The following STS variants were observed in gnomAD, a reference collection of about 807,000 sequenced individuals.
The protein encoded by STS is steroid sulfatase, also known as steryl-sulfatase.
STS carries 7 observed loss-of-function variants against 26.8 expected under a neutral mutation model. That is an observed-to-expected ratio of 0.26 (90% CI 0.15 to 0.49). The LOEUF is 0.49. STS is among the 20% of genes least tolerant of loss of function. STS has a pLI of 0.98. For missense variants in STS, 434 were observed against 465.6 expected, an observed-to-expected ratio of 0.93 and a Z score of 0.63; for synonymous variants, 199 against 189.4, an observed-to-expected ratio of 1.05 and a Z score of -0.42.
chrX:7,214,983 T>TACGTATTTATAC (rs1177255471), intron 2 of STS, among the ~76,000 whole-genome samples: 1 of 82,309 alleles, frequency 1.2e-5, no homozygotes. Context: ...TATATATACA[T>TACGTATTTATAC]ATATATACGT....
At chrX:7,170,219 C>T (rs1458374919) in intron 1 of STS, among the ~76,000 whole-genome samples, 9 of 109,532 alleles carry the variant, frequency 8.2e-5, no homozygotes, top group Non-Finnish European at 1.1e-4. Context: ...CCTAGAAAAA[C>T]GTGACTTCTT....
At chrX:7,343,726 TTC>T (rs1307579044) in intron 10 of STS, among the ~76,000 whole-genome samples, 1 of 111,401 alleles carries the variant, frequency 9.0e-6, no homozygotes, top group African/African-American at 3.3e-5. Flanking sequence ...AGCTAGTGCG[TTC>T]TCTCTCTCTC....
chrX:7,252,535 C>G (rs1280127709), intron 2 of STS, among the ~76,000 whole-genome samples: 4 of 111,409 alleles, frequency 3.6e-5, no homozygotes, highest in Non-Finnish European at 5.7e-5. Context: ...GAGAGGCAAA[C>G]AGCAAAATGA....
intron 7 of STS, among the ~76,000 whole-genome samples, chrX:7,279,292 A>AATATAT (rs1187465371): frequency 1.1e-4 from 7 of 62,772 alleles, no homozygotes; most frequent in African/African-American, 4.4e-4. Context: ...AAAAAAAAAA[A>AATATAT]ATATATATAT....
At chrX:7,259,804 G>A in intron 6 of STS, 32 bp downstream of exon 6, 3 of 1,195,960 alleles carry the variant, frequency 2.5e-6, no homozygotes, top group Non-Finnish European at 2.3e-6. Flanking sequence ...GATGCTGCCT[G>A]TTAAAAAACA....
intron 10 of STS, among the ~76,000 whole-genome samples, chrX:7,348,922 T>C (rs1928643606): frequency 2.7e-5 from 3 of 111,683 alleles, no homozygotes; most frequent in African/African-American, 9.8e-5. Flanking sequence ...CTCCTCACCA[T>C]CACTTCTAGC....
At chrX:7,241,083 T>TAACC (rs1922595583) in intron 2 of STS, among the ~76,000 whole-genome samples, 2 of 111,261 alleles carry the variant, frequency 1.8e-5, no homozygotes, top group Non-Finnish European at 3.8e-5. Context: ...ATGGAAAAAA[T>TAACC]AACCAACCAA....
At chrX:7,347,692 G>A (rs1199006484) in intron 10 of STS, among the ~76,000 whole-genome samples, 2 of 111,792 alleles carry the variant, frequency 1.8e-5, no homozygotes, top group East Asian at 2.8e-4. Flanking sequence ...TGACTCGAAT[G>A]TCAAGTTCAA....
intron 2 of STS, among the ~76,000 whole-genome samples, chrX:7,208,051 C>T (rs887779348): frequency 7.1e-5 from 8 of 112,268 alleles, no homozygotes; most frequent in African/African-American, 2.6e-4. Context: ...CTGAAATGCT[C>T]ATTTATCTAT....
At chrX:7,347,979 C>T (rs1286353372) in intron 10 of STS, among the ~76,000 whole-genome samples, 1 of 111,874 alleles carries the variant, frequency 8.9e-6, no homozygotes, top group African/African-American at 3.3e-5. Context: ...TCCTGGAATT[C>T]TTCCTGCAGC....
intron 1 of STS, among the ~76,000 whole-genome samples, chrX:7,151,473 T>C (rs1933010384): frequency 9.0e-6 from 1 of 111,714 alleles, no homozygotes; most frequent in Admixed American, 9.5e-5. Flanking sequence ...TTCCCCTAGA[T>C]AGCTGGCTTT....
Position 7,264,403 on chromosome X carries a change from G to T in STS, c.806+4631G>T, listed in dbSNP as rs768371783. On this transcript the variant is annotated intron_variant, in intron 6 of 10. Transcript: ENST00000674429. ...TTAGTGCCCGTGGTCAGCCCACACAGCCAGATGCAGGCATTGCAGGGCTGA... is the reference window on the plus strand; with the variant it reads ...TTAGTGCCCGTGGTCAGCCCACACATCCAGATGCAGGCATTGCAGGGCTGA... Among the ~76,000 whole-genome samples, 668 of 112,703 alleles carry T rather than the reference G, an allele frequency of 5.9e-3. 1 individual carries two copies. Among genetic ancestry groups the T allele is most frequent in the Non-Finnish European group, 8.8e-3 (470 of 53,329 alleles).
At chrX:7,316,130 G>A (rs1288568665) in intron 8 of STS, among the ~76,000 whole-genome samples, 1 of 111,718 alleles carries the variant, frequency 9.0e-6, no homozygotes, top group Non-Finnish European at 1.9e-5. Context: ...GGTTAGCTTC[G>A]CATTCCAGAG....
At chrX:7,251,100 G>A (rs369511387) in intron 2 of STS, among the ~76,000 whole-genome samples, 1 of 112,105 alleles carries the variant, frequency 8.9e-6, no homozygotes, top group African/African-American at 3.2e-5. Context: ...TGCTACAAGG[G>A]TGACATTCTT....
Position 7,257,320 on chromosome X carries a change from A to C in STS, c.216A>C (p.Pro72=). 8.3e-7 allele frequency: 1 copy of C among 1,212,079 alleles called. No homozygotes were observed. The highest frequency in any genetic ancestry group is 1.1e-6 in the Non-Finnish European group (1 of 895,490). The change falls in exon 4 of 11, where the codon CCA becomes CCC. Residue 72 remains proline, a synonymous_variant. Coordinates refer to ENST00000674429, the MANE Select transcript of STS (RefSeq NM_001320752.2). ...TGGCAGCATCACCGCTGTGCACACC[A>C]AGCAGGGCAGCCTTCATGACTGGCC... The part of the protein sequence containing the change: ...QHLAASPLCT[P]SRAAFMTGRY...
chrX:7,325,146 G>C (rs1268829346), intron 8 of STS, among the ~76,000 whole-genome samples, 193 bp from the exon 9 acceptor site: 2 of 111,691 alleles, frequency 1.8e-5, no homozygotes, highest in South Asian at 3.7e-4. Context: ...GTCACATATG[G>C]TGGTGACTGT....
chrX:7,281,777 G>A (rs1303614081), intron 7 of STS, among the ~76,000 whole-genome samples: 2 of 112,399 alleles, frequency 1.8e-5, no homozygotes, highest in Non-Finnish European at 1.9e-5. Flanking sequence ...AGACATGGTT[G>A]TAATGGATTA....
At chrX:7,158,937 A>T (rs1933187598) in intron 1 of STS, among the ~76,000 whole-genome samples, 2 of 111,609 alleles carry the variant, frequency 1.8e-5, no homozygotes, top group Non-Finnish European at 3.8e-5. Flanking sequence ...GTATTTATTC[A>T]TGTTAAAATA....
chrX:7,223,652 A>G (rs1921672334), intron 2 of STS, among the ~76,000 whole-genome samples: 1 of 110,388 alleles, frequency 9.1e-6, no homozygotes, highest in South Asian at 3.8e-4. Context: ...TGGATTCTAG[A>G]TATTAGCACT....
Sources: allele counts gnomAD v4.1 joint callset (sites outside exome capture counted in the v4.1 genomes callset), GRCh38; gene constraint gnomAD v4.1.1; transcripts MANE v1.5; gene names NCBI Gene and HGNC (gene_info 2026-07-23, HGNC 2026-07-21).